Variants in SORL1 observed in about 807,000 individuals in gnomAD.
SORL1 encodes the protein sortilin related receptor 1, also known as sortilin-related receptor.
Under a neutral mutation model 273.7 loss-of-function variants are expected in SORL1, and 127 were observed. That is an observed-to-expected ratio of 0.46 (90% CI 0.40 to 0.54). The LOEUF (loss-of-function observed/expected upper bound fraction) is 0.54, where lower values mean the gene tolerates loss of function less well. Ranked by LOEUF, SORL1 falls within the 20% of genes least tolerant of loss-of-function variation. The pLI is 0.00. For synonymous variants in SORL1, 1,031 were observed against 1,067.4 expected, an observed-to-expected ratio of 0.97 and a Z score of 0.66; for missense variants, 2,494 against 2,846.1, an observed-to-expected ratio of 0.88 and a Z score of 2.81.
chr11:121,614,137 A>G (rs1863607839), intron 40 of SORL1: 2 of 152,236 alleles, frequency 1.3e-5, no homozygotes, highest in South Asian at 2.1e-4. Flanking sequence ...CTTAGTTTTA[A>G]TAGCATTTCC....
chr11:121,618,690 C>T lies in SORL1; in HGVS notation c.5605-84C>T, dbSNP rs887054967. ...CTCTGTGAGCTCTTTTGAAGCAGTT[C>T]CAGGGTCTTAAATTGGGGATTTCAA... is the stretch of plus-strand genomic sequence containing the variant. On this transcript the variant is annotated intron_variant, in intron 41 of 47. Coordinates refer to ENST00000260197, the MANE Select transcript of SORL1 (RefSeq NM_003105.6). 7 of 1,540,586 alleles carry T rather than the reference C, an allele frequency of 4.5e-6. No individual in the cohort carries two copies. In the Admixed American group the frequency reaches 1.0e-4, roughly 23 times the overall value.
rs1477251609 is a variant in SORL1, at chr11:121,627,659, A to G, written c.6469A>G (p.Ile2157Val). 1 of 1,614,180 alleles carries G rather than the reference A, an allele frequency of 6.2e-7. No homozygotes were observed. The highest frequency in any genetic ancestry group is 1.7e-5 in the Admixed American group (1 of 60,028). Residue 2157 changes from isoleucine to valine, a missense_variant, in exon 47 of 48, where the codon ATC becomes GTC. Physicochemically the swap from Ile to Val is conservative, Grantham distance 29. Around this residue, in one of 3 missense-constraint regions of SORL1, gnomAD observed 1,609 missense variants for 1,816.4 expected, o/e 0.89. Coordinates refer to ENST00000260197, the MANE Select transcript of SORL1 (RefSeq NM_003105.6). This position sits in a 1 kb window ranked among gnomAD's most constrained non-coding sequence, Gnocchi z 4.9. Reference protein sequence around the residue: ...ILLSLGVGFAILYTKHRRLQS... With the variant: ...ILLSLGVGFAVLYTKHRRLQS... ...GCTGAGCCTGGGGGTGGGGTTTGCC[A>G]TCCTGTACACGAAGCACCGGAGGCT... is the stretch of plus-strand genomic sequence containing the variant.
At chr11:121,545,679 T>C (rs1565331264) in intron 14 of SORL1, among the ~76,000 whole-genome samples, 1 of 152,232 alleles carries the variant, frequency 6.6e-6, no homozygotes, top group East Asian at 1.9e-4. Flanking sequence ...TCTACAGGAA[T>C]AGATAGCTCT....
At chr11:121,504,398 C>T (rs748065442) in intron 6 of SORL1, among the ~76,000 whole-genome samples, 2 of 151,822 alleles carry the variant, frequency 1.3e-5, no homozygotes, top group South Asian at 2.1e-4. Context: ...GGCGACAGAG[C>T]GAGACTCTGT....
intron 47 of SORL1, among the ~76,000 whole-genome samples, chr11:121,628,230 C>A (rs1314359091): frequency 2.0e-5 from 3 of 152,158 alleles, no homozygotes; most frequent in Non-Finnish European, 4.4e-5. Flanking sequence ...CTTTTATGTA[C>A]CTTAACACAG....
At chr11:121,486,036 A>G (rs1255340057) in intron 3 of SORL1, among the ~76,000 whole-genome samples, 1 of 152,208 alleles carries the variant, frequency 6.6e-6, no homozygotes, top group Non-Finnish European at 1.5e-5. Context: ...GACAAGTGCA[A>G]AGTGCTGGTC....
At position 121,586,182 on chromosome 11, in the gene SORL1, C is replaced by T. The variant is rs754291572; in HGVS notation, c.3707-40C>T. 1.3e-5 allele frequency: 20 copies of T among 1,524,994 alleles called. No individual in the cohort carries two copies. The South Asian group carries it at 1.8e-4, about 14-fold the overall frequency. The allele number at this position is 1,524,994 out of a possible 1,614,324, so 94.5% of individuals were successfully genotyped here. A position where few individuals can be genotyped will look rare whatever the true frequency, so the allele number is the denominator to read the frequency against. On this transcript the variant is annotated intron_variant, in intron 26 of 47. Transcript: ENST00000260197. Reference sequence around the variant, plus strand: ...ACTGTGTGTGAGTGCCTGCCTGTTTCCTCCTCGTCATTCTTCTGTGTTGTT... The same window carrying T: ...ACTGTGTGTGAGTGCCTGCCTGTTTTCTCCTCGTCATTCTTCTGTGTTGTT...
rs1354303015 is a variant in SORL1, at chr11:121,517,467, A to G, written c.1211+3146A>G. Among the ~76,000 whole-genome samples, 5 of 152,236 alleles carry G rather than the reference A, an allele frequency of 3.3e-5. No individual in the cohort carries two copies. In the East Asian group the frequency reaches 9.6e-4, roughly 29 times the overall value. On this transcript the variant is annotated intron_variant, in intron 8 of 47. Transcript: ENST00000260197. The stretch of plus-strand genomic sequence containing the variant: ...TATTCTCCTTTTAAAAATAATTAAA[A>G]TAATGAATCACTATCCCTCAGACCT...
chr11:121,471,050 C>A (rs1032243250), intron 2 of SORL1, among the ~76,000 whole-genome samples: 4 of 152,168 alleles, frequency 2.6e-5, no homozygotes, highest in Non-Finnish European at 5.9e-5. Context: ...AAGTCTGTGG[C>A]CTTGTTGGAC....
chr11:121,611,140 C>A lies in SORL1; in HGVS notation c.5304C>A (p.Thr1768=). 6.2e-7 allele frequency: 1 copy of A among 1,610,694 alleles called. No homozygotes were observed. Among genetic ancestry groups the A allele is most frequent in the Non-Finnish European group, 8.5e-7 (1 of 1,177,048 alleles). ...YGENYLSFTL[T]MESDIKVNGY... ...AAAATTATCTAAGCTTCACCCTGAC[C>A]ATGGAGAGTGATATCAAGGTAATGT... Residue 1768 remains threonine (T), a synonymous_variant, in exon 39 of 48, where the codon ACC becomes ACA. Transcript: ENST00000260197.
At chr11:121,572,297 G>C (rs1862855457) in intron 23 of SORL1, among the ~76,000 whole-genome samples, 2 of 152,196 alleles carry the variant, frequency 1.3e-5, no homozygotes, top group African/African-American at 4.8e-5. Context: ...CTCCCACCCA[G>C]CCCCTGAGCT....
intron 14 of SORL1, among the ~76,000 whole-genome samples, chr11:121,547,437 A>G (rs2134892536): frequency 6.7e-6 from 1 of 148,632 alleles, no homozygotes; most frequent in Non-Finnish European, 1.5e-5. Flanking sequence ...AAAAAAAAAA[A>G]AAAAAAAATC....
chr11:121,479,209 AG>A (rs1403187930), intron 3 of SORL1, among the ~76,000 whole-genome samples: 1 of 152,134 alleles, frequency 6.6e-6, no homozygotes, highest in East Asian at 1.9e-4. Context: ...CTGGGCCCCC[AG>A]GGAGGTGGAG....
At chr11:121,609,008 A>G (rs1215227246) in intron 38 of SORL1, 1 of 152,246 alleles carries the variant, frequency 6.6e-6, no homozygotes, top group Non-Finnish European at 1.5e-5. Flanking sequence ...GACTAAGGAA[A>G]TAATTGATGA....
intron 6 of SORL1, among the ~76,000 whole-genome samples, chr11:121,509,069 C>G (rs970578338): frequency 6.6e-6 from 1 of 152,118 alleles, no homozygotes; most frequent in Non-Finnish European, 1.5e-5. Flanking sequence ...TTTTTTTCCC[C>G]CTGGAATATC....
At chr11:121,557,253 C>T (rs1459591614) in intron 18 of SORL1, 61 bp from the exon 19 acceptor site, 13 of 1,199,804 alleles carry the variant, frequency 1.1e-5, no homozygotes, top group Non-Finnish European at 1.5e-5. Context: ...CCATCTTTGG[C>T]AATGGGGGTC....
chr11:121,490,025 G>T lies in SORL1; in HGVS notation c.691-18G>T. ...GTATTATACATGCCTCTTGCATCAT[G>T]ACCACTTGTCTTTGCAGCTGTGGAA... On this transcript the variant is annotated intron_variant, in intron 4 of 47. Transcript: ENST00000260197. 1 of 1,606,660 alleles carries T rather than the reference G, an allele frequency of 6.2e-7. No individual in the cohort carries two copies. The highest frequency in any genetic ancestry group is 1.1e-5 in the South Asian group (1 of 90,892).
chr11:121,583,854 T>G (rs1451884546), intron 26 of SORL1, among the ~76,000 whole-genome samples: 1 of 152,248 alleles, frequency 6.6e-6, no homozygotes, highest in Non-Finnish European at 1.5e-5. Context: ...AAAATGTTTT[T>G]TGAAACCAAA....
In SORL1 at chr11:121,507,291, T is replaced by C. The variant is rs2134836696; in HGVS notation, c.940-5712T>C. Among the ~76,000 whole-genome samples the C allele has an allele frequency of 1.3e-5, 2 of 152,296 alleles. 1 individual carries two copies. Among genetic ancestry groups the C allele is most frequent in the South Asian group, 4.1e-4 (2 of 4,828 alleles). ...CTGAGTTTATCCTTTTAGGAATTCA[T>C]TGAGCTGACTGGATTTATGTTTTTT... On this transcript the variant is annotated intron_variant, in intron 6 of 47. Transcript: ENST00000260197.
Sources: allele counts gnomAD v4.1 joint callset (sites outside exome capture counted in the v4.1 genomes callset), GRCh38; gene constraint gnomAD v4.1.1; regional missense constraint gnomAD v4.1.1; non-coding constraint Gnocchi (gnomAD v3.1); transcripts MANE v1.5; gene names NCBI Gene and HGNC (gene_info 2026-07-23, HGNC 2026-07-21).